Variants in MYT1L observed in about 807,000 individuals in gnomAD.
MYT1L encodes myelin transcription factor 1-like protein.
Under a neutral mutation model 126.7 loss-of-function variants are expected in MYT1L, and 12 were observed. The ratio of observed to expected loss-of-function variants is 0.09; its 90% confidence interval spans 0.06 to 0.15. The LOEUF (loss-of-function observed/expected upper bound fraction) is 0.15. Among genes scored for constraint, MYT1L ranks in the 10% least tolerant of loss-of-function variants. The probability of loss-of-function intolerance (pLI) is 1.00; values close to 1 mark genes in which losing one functional copy is unlikely to be tolerated. For missense variants in MYT1L, 979 were observed against 1,585.2 expected (o/e 0.62, Z 6.49); for synonymous variants, 541 against 604.2 (o/e 0.90, Z 1.53).
intron 14 of MYT1L, among the ~76,000 whole-genome samples, chr2:1,898,806 G>C (rs2049960728): frequency 6.6e-6 from 1 of 152,212 alleles, no homozygotes; most frequent in Non-Finnish European, 1.5e-5. Flanking sequence ...AAGTCGGGCA[G>C]GTGGAGGGAA....
intron 4 of MYT1L, among the ~76,000 whole-genome samples, chr2:2,014,785 G>C (rs981286908): frequency 2.0e-5 from 3 of 152,244 alleles, no homozygotes; most frequent in Non-Finnish European, 4.4e-5. Flanking sequence ...CCCAGGAGCT[G>C]AAGTGGAGCA....
chr2:2,206,705 T>C (rs1210118111), intron 2 of MYT1L, among the ~76,000 whole-genome samples: 1 of 152,230 alleles, frequency 6.6e-6, no homozygotes, highest in East Asian at 1.9e-4. Flanking sequence ...ACTGTGAAAG[T>C]CATCCTCCAT....
intron 2 of MYT1L, among the ~76,000 whole-genome samples, chr2:2,196,364 G>T (rs892915614): frequency 2.0e-5 from 3 of 152,044 alleles, no homozygotes; most frequent in Non-Finnish European, 4.4e-5. Context: ...TATTTAGTCA[G>T]AAGTAAAATT....
intron 8 of MYT1L, among the ~76,000 whole-genome samples, chr2:1,952,728 CTTCCCTCCTTCCTTCCCT>C (rs1467373289): frequency 4.5e-4 from 15 of 33,636 alleles, no homozygotes; most frequent in South Asian, 1.9e-3. Flanking sequence ...CCTTCCTTCC[CTTCCCTCCTTCCTTCCCT>C]TCCCTCCCTT....
chr2:2,079,088 T>A (rs932438018), intron 3 of MYT1L, among the ~76,000 whole-genome samples: 1 of 152,228 alleles, frequency 6.6e-6, no homozygotes, highest in Non-Finnish European at 1.5e-5. Context: ...ATCTGGTGTC[T>A]TGATCTTGGA....
At chr2:2,040,644 C>CCA (rs1239761972) in intron 4 of MYT1L, among the ~76,000 whole-genome samples, 1 of 152,086 alleles carries the variant, frequency 6.6e-6, no homozygotes, top group East Asian at 1.9e-4. Context: ...AGACACTTGG[C>CCA]CACTCTTCAG....
intron 2 of MYT1L, among the ~76,000 whole-genome samples, chr2:2,213,348 T>C (rs1368345682): frequency 6.6e-6 from 1 of 152,078 alleles, no homozygotes; most frequent in Non-Finnish European, 1.5e-5. Context: ...GGGAGACCAA[T>C]ATAGCTAGAG....
At chr2:2,012,587 G>T (rs1180844974) in intron 4 of MYT1L, among the ~76,000 whole-genome samples, 1 of 152,144 alleles carries the variant, frequency 6.6e-6, no homozygotes, top group East Asian at 1.9e-4. Flanking sequence ...CCTTTTCATG[G>T]TTTCAGATAC....
At chr2:2,255,755 A>G (rs902205925) in intron 2 of MYT1L, among the ~76,000 whole-genome samples, 1 of 152,116 alleles carries the variant, frequency 6.6e-6, no homozygotes, top group Non-Finnish European at 1.5e-5. Context: ...TGACCATATT[A>G]GACTGGCTGT....
chr2:2,267,915 C>T (rs1213350277), intron 2 of MYT1L, among the ~76,000 whole-genome samples: 2 of 151,920 alleles, frequency 1.3e-5, no homozygotes, highest in African/African-American at 4.8e-5. Context: ...TCCTAAGCTC[C>T]CACACCACTC....
chr2:1,815,909 C>T (rs368433146), intron 21 of MYT1L, among the ~76,000 whole-genome samples: 73 of 152,364 alleles, frequency 4.8e-4, no homozygotes, highest in African/African-American at 1.7e-3. Flanking sequence ...CACACGGCAC[C>T]GCCCCGAGAA....
intron 3 of MYT1L, among the ~76,000 whole-genome samples, chr2:2,163,066 C>A (rs2088290707): frequency 6.6e-6 from 1 of 152,178 alleles, no homozygotes; most frequent in African/African-American, 2.4e-5. Flanking sequence ...GAAATAAGAT[C>A]TTGGCTAAGT....
intron 1 of MYT1L, among the ~76,000 whole-genome samples, chr2:2,317,949 T>A (rs2096094963): frequency 6.6e-6 from 1 of 152,050 alleles, no homozygotes; most frequent in South Asian, 2.1e-4. Context: ...AGCCACATGC[T>A]CCCCAGTCAA....
At chr2:1,947,280 CTTG>C (rs887439136) in intron 8 of MYT1L, among the ~76,000 whole-genome samples, 9 of 152,292 alleles carry the variant, frequency 5.9e-5, no homozygotes, top group East Asian at 1.9e-4. Flanking sequence ...AGATGGCTCA[CTTG>C]TTGTTCAGAC....
At chr2:2,193,468 G>T (rs1430494493) in intron 2 of MYT1L, among the ~76,000 whole-genome samples, 1 of 152,170 alleles carries the variant, frequency 6.6e-6, no homozygotes, top group Admixed American at 6.5e-5. Context: ...ACGGTCAGTT[G>T]TCTCCCCAGG....
intron 14 of MYT1L, 85 bp downstream of exon 14, chr2:1,902,990 GCTCAA>G (rs1266245409): frequency 2.2e-4 from 274 of 1,241,720 alleles, no homozygotes; most frequent in Non-Finnish European, 3.1e-4. Context: ...GACCACCACC[GCTCAA>G]CTAATTTGTA....
intron 1 of MYT1L, among the ~76,000 whole-genome samples, chr2:2,289,188 G>C (rs183073763): frequency 6.6e-6 from 1 of 152,338 alleles, no homozygotes; most frequent in Non-Finnish European, 1.5e-5. Flanking sequence ...GAAAATCCCA[G>C]TAGGTGGCCC....
chr2:2,261,140 TGC>T (rs1190139186), intron 2 of MYT1L, among the ~76,000 whole-genome samples: 5 of 119,328 alleles, frequency 4.2e-5, no homozygotes, highest in Non-Finnish European at 5.3e-5. Flanking sequence ...TGTGTGTGAG[TGC>T]GTGTGTGTGT....
chr2:2,132,258 A>G (rs953543293), intron 3 of MYT1L, among the ~76,000 whole-genome samples: 6 of 152,086 alleles, frequency 3.9e-5, no homozygotes, highest in Non-Finnish European at 7.4e-5. Context: ...AAATCGTTCT[A>G]CTATAAAGAC....
Sources: allele counts gnomAD v4.1 joint callset (sites outside exome capture counted in the v4.1 genomes callset), GRCh38; gene constraint gnomAD v4.1.1; transcripts MANE v1.5; gene names NCBI Gene and HGNC (gene_info 2026-07-23, HGNC 2026-07-21).